Variants in PDZRN4 observed in about 807,000 individuals in gnomAD.
The protein encoded by PDZRN4 is PDZ domain-containing RING finger protein 4.
A neutral mutation model predicts 99.0 loss-of-function variants in PDZRN4; 70 were observed. That is an observed-to-expected ratio of 0.71 (90% CI 0.58 to 0.86). The LOEUF (loss-of-function observed/expected upper bound fraction) is 0.86, where lower values mean the gene tolerates loss of function less well. PDZRN4 is among the 40% of genes least tolerant of loss of function. PDZRN4 has a pLI of 0.00. For synonymous variants in PDZRN4, 551 were observed against 501.6 expected (o/e 1.10, Z -1.32); for missense variants, 1,474 against 1,331.2 (o/e 1.11, Z -1.67).
intron 3 of PDZRN4, among the ~76,000 whole-genome samples, chr12:41,354,768 A>C (rs1951914727): frequency 6.6e-6 from 1 of 152,074 alleles, no homozygotes; most frequent in South Asian, 2.1e-4. Context: ...TTTTAACCCC[A>C]TTCAATTAGA....
At chr12:41,256,292 A>C (rs77085871) in intron 3 of PDZRN4, among the ~76,000 whole-genome samples, 2,474 of 152,318 alleles carry the variant, frequency 0.016, 35 homozygotes, top group East Asian at 0.06. Flanking sequence ...AGGTCCAACT[A>C]TCTCAGAGTC....
intron 3 of PDZRN4, among the ~76,000 whole-genome samples, chr12:41,494,963 T>C (rs926719470): frequency 2.0e-5 from 3 of 152,160 alleles, no homozygotes; most frequent in African/African-American, 7.2e-5. Context: ...AATGCTGGTA[T>C]TGAAAGGGAC....
chr12:41,285,633 A>G (rs1951417638), intron 3 of PDZRN4, among the ~76,000 whole-genome samples: 1 of 152,246 alleles, frequency 6.6e-6, no homozygotes, highest in Non-Finnish European at 1.5e-5. Context: ...GACTGGACAA[A>G]GAAAATATGG....
At chr12:41,289,877 C>T (rs76192148) in intron 3 of PDZRN4, among the ~76,000 whole-genome samples, 2,197 of 152,296 alleles carry the variant, frequency 0.014, 22 homozygotes, top group Middle Eastern at 0.034. Context: ...ATTAACTTAC[C>T]TCTTCCATTT....
intron 3 of PDZRN4, among the ~76,000 whole-genome samples, chr12:41,321,675 T>A (rs2120973988): frequency 6.6e-6 from 1 of 152,260 alleles, no homozygotes; most frequent in Admixed American, 6.5e-5. Context: ...TTGGATGGAG[T>A]CTGATCAGTC....
intron 3 of PDZRN4, among the ~76,000 whole-genome samples, chr12:41,405,995 A>G (rs1190998654): frequency 6.6e-6 from 1 of 152,154 alleles, no homozygotes; most frequent in Non-Finnish European, 1.5e-5. Flanking sequence ...CTACCTGTTG[A>G]GTACTATGCT....
At chr12:41,278,590 G>A (rs1322092885) in intron 3 of PDZRN4, among the ~76,000 whole-genome samples, 1 of 152,160 alleles carries the variant, frequency 6.6e-6, no homozygotes, top group Non-Finnish European at 1.5e-5. Context: ...AAAAGTGAAA[G>A]CAGTCCCATA....
chr12:41,520,343 T>C (rs1269870263), intron 5 of PDZRN4, among the ~76,000 whole-genome samples: 1 of 152,068 alleles, frequency 6.6e-6, no homozygotes, highest in African/African-American at 2.4e-5. Flanking sequence ...TTCTTCAATA[T>C]GGCTGACCTT....
intron 3 of PDZRN4, chr12:41,409,406 A>G (rs1952375931): frequency 1.3e-5 from 2 of 152,186 alleles, no homozygotes; most frequent in Non-Finnish European, 2.9e-5. Flanking sequence ...GGGGAAAAAG[A>G]TAAGTAGACA....
intron 3 of PDZRN4, among the ~76,000 whole-genome samples, chr12:41,280,237 CGGGT>C (rs1239544072): frequency 6.6e-6 from 1 of 152,170 alleles, no homozygotes; most frequent in African/African-American, 2.4e-5. Context: ...GAGATTCCCT[CGGGT>C]GCCTACACCA....
intron 8 of PDZRN4, among the ~76,000 whole-genome samples, chr12:41,567,448 G>A (rs374941028): frequency 2.0e-5 from 3 of 152,112 alleles, no homozygotes; most frequent in East Asian, 1.9e-4. Flanking sequence ...CTTTTAACAC[G>A]GGACTGTTGG....
At chr12:41,560,877 C>T (rs758130801) in intron 7 of PDZRN4, among the ~76,000 whole-genome samples, 6 of 152,138 alleles carry the variant, frequency 3.9e-5, no homozygotes, top group Non-Finnish European at 8.8e-5. Flanking sequence ...GTCCTGAGTA[C>T]AATAGCATCT....
At chr12:41,328,796 A>G (rs1179865058) in intron 3 of PDZRN4, among the ~76,000 whole-genome samples, 1 of 152,156 alleles carries the variant, frequency 6.6e-6, no homozygotes, top group Admixed American at 6.6e-5. Flanking sequence ...AGACTCAGGA[A>G]GACAGGAGAC....
At chr12:41,335,914 C>G (rs961468510) in intron 3 of PDZRN4, among the ~76,000 whole-genome samples, 2 of 152,048 alleles carry the variant, frequency 1.3e-5, no homozygotes, top group African/African-American at 4.8e-5. Context: ...TATAAAAGGT[C>G]AGTGCACTAA....
intron 3 of PDZRN4, among the ~76,000 whole-genome samples, chr12:41,449,857 G>T (rs914715865): frequency 6.6e-6 from 1 of 151,774 alleles, no homozygotes; most frequent in Non-Finnish European, 1.5e-5. Flanking sequence ...TTTATTTTAC[G>T]TGGTTTTTGT....
intron 3 of PDZRN4, among the ~76,000 whole-genome samples, chr12:41,379,781 T>C (rs1952109666): frequency 6.6e-6 from 1 of 152,052 alleles, no homozygotes; most frequent in South Asian, 2.1e-4. Flanking sequence ...TGATCTTTCC[T>C]ATGGAATATT....
intron 4 of PDZRN4, among the ~76,000 whole-genome samples, chr12:41,508,396 T>G (rs959638147): frequency 7.9e-5 from 12 of 152,182 alleles, no homozygotes; most frequent in African/African-American, 2.9e-4. Context: ...ATTATTGCAC[T>G]GTATTAAAAT....
At chr12:41,411,089 T>C (rs1480029320) in intron 3 of PDZRN4, among the ~76,000 whole-genome samples, 1 of 150,782 alleles carries the variant, frequency 6.6e-6, no homozygotes, top group Non-Finnish European at 1.5e-5. Context: ...TTTGTAAAGA[T>C]AGTGTCCCAC....
At chr12:41,248,180 T>C (rs557433533) in intron 3 of PDZRN4, among the ~76,000 whole-genome samples, 1 of 152,212 alleles carries the variant, frequency 6.6e-6, no homozygotes, top group Non-Finnish European at 1.5e-5. Context: ...CAAATAATAG[T>C]GTGTGAAAAT....
Sources: gnomAD v4.1 joint callset for allele counts (sites outside exome capture counted in the v4.1 genomes callset) on GRCh38, gnomAD v4.1.1 for gene constraint, MANE v1.5 for transcripts, NCBI Gene and HGNC (gene_info 2026-07-23, HGNC 2026-07-21) for gene names.